IL1RAPL2: variants seen among roughly 807,000 people sequenced by gnomAD.
IL1RAPL2 encodes X-linked interleukin-1 receptor accessory protein-like 2.
Under a neutral mutation model 44.1 loss-of-function variants are expected in IL1RAPL2, and 3 were observed. The ratio of observed to expected loss-of-function variants is 0.07; its 90% CI spans 0.03 to 0.18. The LOEUF is 0.18. IL1RAPL2 is among the 10% of genes least tolerant of loss of function. IL1RAPL2 has a pLI of 1.00. For synonymous variants in IL1RAPL2, 181 were observed against 178.8 expected (o/e 1.01, Z -0.10); for missense variants, 391 against 496.4 (o/e 0.79, Z 2.02).
intron 1 of IL1RAPL2, among the ~76,000 whole-genome samples, chrX:104,605,798 A>T: frequency 8.9e-6 from 1 of 112,271 alleles, no homozygotes; most frequent in Admixed American, 9.4e-5. Flanking sequence ...ATAGATGAAT[A>T]ACAAATTCTG....
intron 2 of IL1RAPL2, 151 bp from the exon 3 acceptor site, chrX:105,195,324 C>A: frequency 1.8e-6 from 1 of 549,540 alleles, no homozygotes; most frequent in Non-Finnish European, 3.0e-6. Context: ...AAGGTCTAAG[C>A]AAGATACAAG....
chrX:104,891,328 T>C (rs758767464), intron 2 of IL1RAPL2, among the ~76,000 whole-genome samples: 7 of 112,138 alleles, frequency 6.2e-5, no homozygotes, highest in Non-Finnish European at 1.1e-4. Flanking sequence ...TTTTCCAATT[T>C]TGTGAAGAAA....
chrX:105,119,828 G>A (rs1435714344), intron 2 of IL1RAPL2, among the ~76,000 whole-genome samples: 1 of 110,719 alleles, frequency 9.0e-6, no homozygotes, highest in African/African-American at 3.3e-5. Context: ...ATCCATTATT[G>A]TAATGATAAT....
chrX:105,491,548 C>T lies in IL1RAPL2; in HGVS notation c.772+7161C>T, dbSNP rs144358929. On this transcript the variant is annotated intron_variant, in intron 6 of 10. Coordinates refer to ENST00000372582, the MANE Select transcript of IL1RAPL2 (RefSeq NM_017416.2). ...AGAGTAAGAAGGAGGGTATTATGAA[C>T]TAACTCAGTTTTCTTGGCACACGTA... Among the ~76,000 whole-genome samples the T allele has an allele frequency of 8.7e-4, 97 of 112,111 alleles. 1 individual carries two copies. Among genetic ancestry groups the T allele is most frequent in the African/African-American group, 2.9e-3 (90 of 30,900 alleles).
intron 5 of IL1RAPL2, among the ~76,000 whole-genome samples, chrX:105,332,646 A>G (rs2034995750): frequency 8.9e-6 from 1 of 112,078 alleles, no homozygotes; most frequent in Non-Finnish European, 1.9e-5. Flanking sequence ...AACTATTAGA[A>G]CTAATAAACA....
chrX:105,051,888 G>A (rs1235359260), intron 2 of IL1RAPL2, among the ~76,000 whole-genome samples: 2 of 112,213 alleles, frequency 1.8e-5, no homozygotes, highest in Non-Finnish European at 3.8e-5. Flanking sequence ...TGAGGAAACG[G>A]AACTTAAGAG....
intron 2 of IL1RAPL2, among the ~76,000 whole-genome samples, chrX:105,040,141 T>C (rs1181039565): frequency 9.0e-6 from 1 of 111,665 alleles, no homozygotes; most frequent in Non-Finnish European, 1.9e-5. Context: ...GAGATAATCA[T>C]GTGGTTTTTG....
rs181325135 is a variant in IL1RAPL2 at position 104,699,645 on chromosome X, A to G, written c.82+40650A>G. Among the ~76,000 whole-genome samples the G allele has an allele frequency of 8.6e-3, 969 of 112,076 alleles. 7 individuals are homozygous for G. Among genetic ancestry groups the G allele is most frequent in the Non-Finnish European group, 0.013 (699 of 53,226 alleles). On this transcript the variant is annotated intron_variant, in intron 2 of 10. Transcript: ENST00000372582. The stretch of plus-strand genomic sequence containing the variant: ...GGCTTGAGGACCCCTGATTTAGACC[A>G]CAGATTGATAGATTATGGCTGGCAG...
At chrX:105,203,966 T>C (rs73636205) in intron 3 of IL1RAPL2, among the ~76,000 whole-genome samples, 6,510 of 111,407 alleles carry the variant, frequency 0.058, 474 homozygotes, top group African/African-American at 0.2. Flanking sequence ...ATTTATGGGA[T>C]CCTCCTGCCC....
At chrX:105,352,360 G>A (rs1369175446) in intron 5 of IL1RAPL2, among the ~76,000 whole-genome samples, 1 of 112,267 alleles carries the variant, frequency 8.9e-6, no homozygotes, top group Admixed American at 9.5e-5. Flanking sequence ...TACTGGGAAT[G>A]CTGTATTACA....
At chrX:104,679,074 G>C (rs1930844556) in intron 2 of IL1RAPL2, among the ~76,000 whole-genome samples, 2 of 111,808 alleles carry the variant, frequency 1.8e-5, no homozygotes, top group Non-Finnish European at 3.8e-5. Context: ...ATCCTGATTA[G>C]ATCTTTAATG....
intron 2 of IL1RAPL2, among the ~76,000 whole-genome samples, chrX:104,773,482 C>T (rs955136829): frequency 3.6e-5 from 4 of 111,442 alleles, no homozygotes; most frequent in Non-Finnish European, 7.5e-5. Flanking sequence ...TTGTAGATCA[C>T]CCCTCCCCAC....
At chrX:104,614,288 T>C (rs949494798) in intron 1 of IL1RAPL2, among the ~76,000 whole-genome samples, 6 of 112,096 alleles carry the variant, frequency 5.4e-5, no homozygotes, top group African/African-American at 1.9e-4. Context: ...AGATCATTAA[T>C]TTGAGTTCTT....
chrX:105,712,666 T>C (rs764802145), intron 6 of IL1RAPL2, among the ~76,000 whole-genome samples: 2 of 111,142 alleles, frequency 1.8e-5, no homozygotes, highest in Non-Finnish European at 3.8e-5. Flanking sequence ...GCCCCCATGA[T>C]ACAATCACCT....
At chrX:104,952,967 T>C (rs1208241920) in intron 2 of IL1RAPL2, among the ~76,000 whole-genome samples, 2 of 112,428 alleles carry the variant, frequency 1.8e-5, no homozygotes, top group Admixed American at 9.4e-5. Context: ...TCTTTGCCAA[T>C]TTGTCATTCT....
intron 5 of IL1RAPL2, among the ~76,000 whole-genome samples, chrX:105,284,036 T>A (rs1303101481): frequency 8.9e-6 from 1 of 111,913 alleles, no homozygotes; most frequent in Non-Finnish European, 1.9e-5. Flanking sequence ...TTAGCTGACA[T>A]TTGAATCCTT....
chrX:105,040,818 T>A lies in IL1RAPL2; in HGVS notation c.83-154657T>A, dbSNP rs1427713917. On this transcript the variant is annotated intron_variant, in intron 2 of 10. Coordinates refer to ENST00000372582, the MANE Select transcript of IL1RAPL2 (RefSeq NM_017416.2). The stretch of plus-strand genomic sequence containing the variant: ...CGGTCTATCAATTTTGTTGATCCTT[T>A]CAAAAAACCAGCTCCTGGATTCATT... 3.8e-5 allele frequency among the ~76,000 whole-genome samples: 4 copies of A among 106,385 alleles called. 1 individual carries two copies. Among genetic ancestry groups the A allele is most frequent in the Non-Finnish European group, 7.7e-5 (4 of 51,923 alleles). 92.4% of individuals were successfully genotyped at this position (106,385 alleles called of 115,157 possible). A position where few individuals can be genotyped will look rare whatever the true frequency, so the allele number is the denominator to read the frequency against.
intron 2 of IL1RAPL2, among the ~76,000 whole-genome samples, chrX:105,077,635 G>A (rs1231480921): frequency 8.9e-6 from 1 of 112,085 alleles, no homozygotes; most frequent in Non-Finnish European, 1.9e-5. Flanking sequence ...ATCCTGCAGA[G>A]TTTTTTCCAA....
intron 2 of IL1RAPL2, among the ~76,000 whole-genome samples, chrX:105,075,959 GTCAA>G (rs1387961718): frequency 9.0e-6 from 1 of 111,463 alleles, no homozygotes; most frequent in African/African-American, 3.3e-5. Context: ...CTTGCTAGCG[GTCAA>G]TCAATTTTGT....
Sources: gnomAD v4.1 joint callset for allele counts (sites outside exome capture counted in the v4.1 genomes callset) on GRCh38, gnomAD v4.1.1 for gene constraint, MANE v1.5 for transcripts, NCBI Gene and HGNC (gene_info 2026-07-23, HGNC 2026-07-21) for gene names.